The following AFF3 variants were observed in gnomAD, a reference collection of about 807,000 sequenced individuals.
The protein encoded by AFF3 is ALF transcription elongation factor 3.
A neutral mutation model predicts 129.7 loss-of-function variants in AFF3; 32 were observed. That is an observed-to-expected ratio of 0.25 (90% CI 0.19 to 0.33). The LOEUF (loss-of-function observed/expected upper bound fraction) is 0.33. Ranked by LOEUF, AFF3 falls within the 10% of genes least tolerant of loss-of-function variation. The pLI is 1.00. For missense variants in AFF3, 1,373 were observed against 1,592.0 expected, an observed-to-expected ratio of 0.86 and a Z score of 2.34; for synonymous variants, 644 against 635.4, an observed-to-expected ratio of 1.01 and a Z score of -0.20.
chr2:100,014,762 A>AC (rs1160079739), intron 4 of AFF3, among the ~76,000 whole-genome samples: 2 of 146,498 alleles, frequency 1.4e-5, no homozygotes, highest in African/African-American at 5.1e-5. Flanking sequence ...CTCTCTCCAT[A>AC]CCTCCATACC....
chr2:99,942,547 CG>C (rs56988005), intron 7 of AFF3, among the ~76,000 whole-genome samples: 11,385 of 59,118 alleles, frequency 0.19, 968 homozygotes, highest in African/African-American at 0.4. Context: ...GGGGGAGGGG[CG>C]GGGGGGGGGT....
chr2:100,136,538 T>C (rs1333478706), intron 1 of AFF3, among the ~76,000 whole-genome samples: 2 of 152,216 alleles, frequency 1.3e-5, no homozygotes, highest in Non-Finnish European at 2.9e-5. Flanking sequence ...AAGGGGCTTT[T>C]CCCATATTCT....
At chr2:99,713,823 T>C (rs1558777383) in intron 11 of AFF3, among the ~76,000 whole-genome samples, 1 of 151,494 alleles carries the variant, frequency 6.6e-6, no homozygotes, top group South Asian at 2.1e-4. Flanking sequence ...CTCAGCCTCC[T>C]GAGTAGCTGG....
At chr2:99,851,858 C>G (rs1690169549) in intron 7 of AFF3, among the ~76,000 whole-genome samples, 2 of 152,194 alleles carry the variant, frequency 1.3e-5, no homozygotes, top group African/African-American at 4.8e-5. Flanking sequence ...TGGTCCTTTT[C>G]TAGATATAGC....
At chr2:100,030,159 A>G (rs530787222) in intron 4 of AFF3, among the ~76,000 whole-genome samples, 93 of 152,184 alleles carry the variant, frequency 6.1e-4, no homozygotes, top group African/African-American at 2.2e-3. Context: ...AGTAGACTTG[A>G]GCCTTAAAAA....
At chr2:99,758,089 AG>A (rs1682270755) in intron 8 of AFF3, among the ~76,000 whole-genome samples, 1 of 152,216 alleles carries the variant, frequency 6.6e-6, no homozygotes, top group African/African-American at 2.4e-5. Flanking sequence ...TTGAACATTC[AG>A]CAGTGAATCT....
chr2:100,067,049 C>A (rs1687778248), intron 4 of AFF3, among the ~76,000 whole-genome samples: 1 of 152,022 alleles, frequency 6.6e-6, no homozygotes, highest in African/African-American at 2.4e-5. Context: ...AGGGTTATGC[C>A]CTGAAGGAAA....
chr2:99,611,764 G>A (rs9973472), intron 13 of AFF3, among the ~76,000 whole-genome samples: 82,082 of 151,292 alleles, frequency 0.54, 22,426 homozygotes, highest in African/African-American at 0.62. Context: ...GCGCGCGCCT[G>A]TAATCCCAGC....
intron 7 of AFF3, among the ~76,000 whole-genome samples, chr2:99,917,826 T>C (rs935249926): frequency 1.7e-4 from 26 of 152,252 alleles, no homozygotes; most frequent in African/African-American, 4.6e-4. Flanking sequence ...TGATGGAGAA[T>C]AGTTTGCTAT....
intron 4 of AFF3, among the ~76,000 whole-genome samples, chr2:100,084,409 T>C (rs1372026201): frequency 6.6e-6 from 1 of 152,242 alleles, no homozygotes; most frequent in Non-Finnish European, 1.5e-5. Flanking sequence ...TATCCACAGC[T>C]AGCTGGTGGC....
At chr2:99,896,068 CAAAAAA>C (rs58471464) in intron 7 of AFF3, among the ~76,000 whole-genome samples, 9 of 63,080 alleles carry the variant, frequency 1.4e-4, no homozygotes, top group African/African-American at 2.5e-4. Context: ...GACTCCTTCT[CAAAAAA>C]AAAAAAAAAA....
intron 7 of AFF3, among the ~76,000 whole-genome samples, chr2:99,902,264 T>G (rs1164115189): frequency 6.6e-6 from 1 of 152,080 alleles, no homozygotes; most frequent in African/African-American, 2.4e-5. Flanking sequence ...CATGCTACAA[T>G]TAGTATTGAC....
intron 7 of AFF3, among the ~76,000 whole-genome samples, chr2:99,849,338 C>T (rs974453508): frequency 7.9e-5 from 12 of 152,254 alleles, no homozygotes; most frequent in East Asian, 5.8e-4. Flanking sequence ...AGCAAATGTC[C>T]TAGCTCTTCC....
intron 7 of AFF3, among the ~76,000 whole-genome samples, chr2:99,974,135 T>C (rs1477123347): frequency 2.6e-5 from 4 of 152,366 alleles, no homozygotes; most frequent in Non-Finnish European, 5.9e-5. Flanking sequence ...ATGTAAAATG[T>C]AGACGTCTTT....
At chr2:99,642,528 A>G (rs984000696) in intron 13 of AFF3, among the ~76,000 whole-genome samples, 3 of 152,232 alleles carry the variant, frequency 2.0e-5, no homozygotes, top group Admixed American at 6.5e-5. Flanking sequence ...CAAAGTTGCC[A>G]TTATTTTAAC....
intron 9 of AFF3, among the ~76,000 whole-genome samples, chr2:99,750,401 CTTTTTTTTTTTCTTTTCTT>C (rs897269176): frequency 5.4e-5 from 3 of 55,470 alleles, no homozygotes; most frequent in Admixed American, 2.0e-4. Flanking sequence ...GTAAAAAGTA[CTTTTTTTTTTTCTTTTCTT>C]TTTTTTTTTT....
intron 4 of AFF3, among the ~76,000 whole-genome samples, chr2:100,099,452 T>C (rs1001944986): frequency 6.6e-5 from 10 of 152,120 alleles, no homozygotes; most frequent in African/African-American, 2.4e-4. Flanking sequence ...TGCCTCTGCA[T>C]CCCTCCCTGC....
intron 13 of AFF3, among the ~76,000 whole-genome samples, chr2:99,619,384 T>G (rs1419151759): frequency 1.3e-5 from 2 of 152,220 alleles, no homozygotes; most frequent in Non-Finnish European, 2.9e-5. Flanking sequence ...AGCTGTGATC[T>G]TGTTAGCTGT....
intron 8 of AFF3, among the ~76,000 whole-genome samples, chr2:99,828,586 ACT>A (rs1576118783): frequency 2.0e-5 from 3 of 152,176 alleles, no homozygotes; most frequent in Admixed American, 6.5e-5. Context: ...GGGGGCCATG[ACT>A]CAGTATAACG....
Sources: allele counts gnomAD v4.1 joint callset (sites outside exome capture counted in the v4.1 genomes callset), GRCh38; gene constraint gnomAD v4.1.1; transcripts MANE v1.5; gene names NCBI Gene and HGNC (gene_info 2026-07-23, HGNC 2026-07-21).